The following ATP8A2 variants were observed in gnomAD, a reference collection of about 807,000 sequenced individuals.
ATP8A2 encodes phospholipid-transporting ATPase IB.
Under a neutral mutation model 165.6 loss-of-function variants are expected in ATP8A2, and 100 were observed. The observed-to-expected ratio is 0.60, with a 90% CI of 0.51 to 0.71. The LOEUF (loss-of-function observed/expected upper bound fraction) is 0.71. Ranked by LOEUF, ATP8A2 falls within the 30% of genes least tolerant of loss-of-function variation. The pLI is 0.00. For missense variants in ATP8A2, 1,227 were observed against 1,479.5 expected (o/e 0.83, Z 2.80); for synonymous variants, 543 against 548.8 (o/e 0.99, Z 0.15).
At chr13:25,799,473 C>T (rs546890700) in intron 27 of ATP8A2, among the ~76,000 whole-genome samples, 2 of 152,326 alleles carry the variant, frequency 1.3e-5, no homozygotes, top group South Asian at 2.1e-4. Context: ...GAATATGGAG[C>T]TCCTACCTGA....
At chr13:25,462,717 A>G (rs1460811919) in intron 1 of ATP8A2, among the ~76,000 whole-genome samples, 1 of 151,386 alleles carries the variant, frequency 6.6e-6, no homozygotes, top group African/African-American at 2.5e-5. Context: ...CTCTAACCAC[A>G]TGATTGGCCT....
At chr13:25,770,815 T>G (rs571215302) in intron 26 of ATP8A2, among the ~76,000 whole-genome samples, 8 of 152,316 alleles carry the variant, frequency 5.3e-5, no homozygotes, top group Non-Finnish European at 7.4e-5. Context: ...CCCTTGTGTT[T>G]CTACGGTGTT....
In ATP8A2 at chr13:25,452,872, A is replaced by C. The variant is rs567532904; in HGVS notation, c.77-16105A>C. Among the ~76,000 whole-genome samples, 6 of 152,126 alleles carry C rather than the reference A, an allele frequency of 3.9e-5. No individual in the cohort carries two copies. In the East Asian group the frequency reaches 9.8e-4, roughly 25 times the overall value. ...CACTTTGGGAGGCTGAGGCAGGAGG[A>C]TCACTTGAGGCCAGGTGTTTGAGAC... On this transcript the variant is annotated intron_variant, in intron 1 of 36. Coordinates refer to ENST00000381655, the MANE Select transcript of ATP8A2 (RefSeq NM_016529.6).
intron 32 of ATP8A2, among the ~76,000 whole-genome samples, chr13:25,861,197 G>A (rs1483823528): frequency 6.6e-6 from 1 of 152,004 alleles, no homozygotes; most frequent in East Asian, 1.9e-4. Flanking sequence ...TTACCACCAA[G>A]AGACAGTCAC....
chr13:25,468,855 T>G (rs1177244205), intron 1 of ATP8A2, 122 bp from the exon 2 acceptor site: 10 of 1,459,866 alleles, frequency 6.8e-6, no homozygotes, highest in Non-Finnish European at 9.0e-6. Flanking sequence ...GTAGGCGGCG[T>G]CCGCCTCACC....
chr13:25,686,055 C>T (rs1024686143), intron 24 of ATP8A2, among the ~76,000 whole-genome samples: 2 of 152,114 alleles, frequency 1.3e-5, no homozygotes, highest in African/African-American at 4.8e-5. Context: ...GTGTGAGTAC[C>T]TGGAAGCATG....
intron 24 of ATP8A2, among the ~76,000 whole-genome samples, chr13:25,646,671 A>AAAAAAAAAAAC (rs10675043): frequency 2.4e-5 from 3 of 124,008 alleles, no homozygotes; most frequent in Non-Finnish European, 3.2e-5. Flanking sequence ...AAAAAAAAAA[A>AAAAAAAAAAAC]CACACAAAAG....
At chr13:25,908,915 C>A (rs941770606) in intron 33 of ATP8A2, among the ~76,000 whole-genome samples, 1 of 152,040 alleles carries the variant, frequency 6.6e-6, no homozygotes, top group African/African-American at 2.4e-5. Context: ...GCCAACAAAG[C>A]TGAAAATATT....
At chr13:25,829,014 A>G (rs1023485595) in intron 28 of ATP8A2, among the ~76,000 whole-genome samples, 4 of 152,232 alleles carry the variant, frequency 2.6e-5, no homozygotes, top group African/African-American at 4.8e-5. Flanking sequence ...GTTACCAGAC[A>G]TACAATAATA....
chr13:25,958,957 A>G (rs1009798693), intron 33 of ATP8A2, among the ~76,000 whole-genome samples: 4 of 152,218 alleles, frequency 2.6e-5, no homozygotes, highest in African/African-American at 9.6e-5. Context: ...TTGAGTTACA[A>G]TCTATTTTAA....
chr13:25,680,628 G>A (rs985220465), intron 24 of ATP8A2, among the ~76,000 whole-genome samples: 2 of 152,168 alleles, frequency 1.3e-5, no homozygotes, highest in Non-Finnish European at 2.9e-5. Flanking sequence ...GAACAACATG[G>A]AGAGATAGAG....
intron 6 of ATP8A2, 71 bp downstream of exon 6, chr13:25,533,384 T>C: frequency 2.3e-6 from 2 of 872,502 alleles, no homozygotes; most frequent in South Asian, 3.0e-5. Context: ...TGGTCTTGAT[T>C]GCAGTATAAA....
At chr13:25,660,658 A>G (rs2042030264) in intron 24 of ATP8A2, among the ~76,000 whole-genome samples, 2 of 152,170 alleles carry the variant, frequency 1.3e-5, no homozygotes, top group Admixed American at 1.3e-4. Flanking sequence ...ATAGAAGGAA[A>G]AAAAAAAGAG....
At chr13:25,397,813 T>C (rs147207387) in intron 1 of ATP8A2, among the ~76,000 whole-genome samples, 364 of 152,276 alleles carry the variant, frequency 2.4e-3, no homozygotes, top group African/African-American at 8.4e-3. Context: ...AAGGTGTACA[T>C]TGGTTTGGCC....
intron 24 of ATP8A2, chr13:25,649,020 A>G (rs1364855685): frequency 3.9e-6 from 2 of 508,728 alleles, no homozygotes; most frequent in Middle Eastern, 3.2e-4. Flanking sequence ...ATTAGGGTCA[A>G]TTTTTGGAGC....
At chr13:25,678,621 C>T (rs912693633) in intron 24 of ATP8A2, among the ~76,000 whole-genome samples, 5 of 152,110 alleles carry the variant, frequency 3.3e-5, no homozygotes, top group Non-Finnish European at 5.9e-5. Flanking sequence ...TGGCAGCTTG[C>T]CTTCCAGCAC....
chr13:25,716,660 C>T (rs1270432346), intron 25 of ATP8A2, among the ~76,000 whole-genome samples: 2 of 152,034 alleles, frequency 1.3e-5, no homozygotes, highest in Admixed American at 6.5e-5. Context: ...AAAGGAGTAG[C>T]GATGAGAATA....
chr13:25,422,504 T>C (rs146226291), intron 1 of ATP8A2, among the ~76,000 whole-genome samples: 3 of 152,364 alleles, frequency 2.0e-5, no homozygotes, highest in Non-Finnish European at 4.4e-5. Flanking sequence ...GTTTTGCTTT[T>C]AGTACAGCCT....
chr13:25,823,773 C>G (rs1951237605), intron 27 of ATP8A2, among the ~76,000 whole-genome samples: 1 of 152,062 alleles, frequency 6.6e-6, no homozygotes, highest in Non-Finnish European at 1.5e-5. Flanking sequence ...GATGAAGGAT[C>G]CCCTCTCTAC....
Sources: allele counts gnomAD v4.1 joint callset (sites outside exome capture counted in the v4.1 genomes callset), GRCh38; gene constraint gnomAD v4.1.1; transcripts MANE v1.5; gene names NCBI Gene and HGNC (gene_info 2026-07-23, HGNC 2026-07-21).